Variants in TAS2R1 observed in about 807,000 individuals in gnomAD.
The protein encoded by TAS2R1 is taste receptor type 2 member 1.
For missense variants in TAS2R1, 370 were observed against 353.4 expected (o/e 1.05, Z -0.38); for synonymous variants, 141 against 134.2 (o/e 1.05, Z -0.35).
At chr5:9,828,708 T>C in the TAS2R1 span, among the ~76,000 whole-genome samples, 2 of 152,378 alleles carry the variant, frequency 1.3e-5, no homozygotes, top group African/African-American at 2.4e-5. Context: ...CATGTAGAGA[T>C]AAGTGGGAGA....
At chr5:9,812,755 C>T in the TAS2R1 span, among the ~76,000 whole-genome samples, 2 of 152,252 alleles carry the variant, frequency 1.3e-5, no homozygotes, top group Admixed American at 6.5e-5. Context: ...CAAACTTGGT[C>T]ACTGCCGTAG....
intron 2 of TAS2R1, among the ~76,000 whole-genome samples, chr5:9,653,073 C>A (rs1740338346): frequency 6.6e-6 from 1 of 152,186 alleles, no homozygotes; most frequent in Non-Finnish European, 1.5e-5. Context: ...CTAGCATCCA[C>A]CTTTCTGCTT....
At chr5:9,681,896 A>G (rs1400145266) in intron 1 of TAS2R1, among the ~76,000 whole-genome samples, 1 of 152,204 alleles carries the variant, frequency 6.6e-6, no homozygotes, top group African/African-American at 2.4e-5. Context: ...TTATAGCCAT[A>G]TTACAGTTTA....
At chr5:9,724,626 A>T in the TAS2R1 span, among the ~76,000 whole-genome samples, 12 of 152,168 alleles carry the variant, frequency 7.9e-5, no homozygotes, top group African/African-American at 1.9e-4. Flanking sequence ...TGTGCAGATT[A>T]CGGTAATAAC....
the TAS2R1 span, among the ~76,000 whole-genome samples, chr5:9,811,481 G>A: frequency 1.3e-5 from 2 of 152,130 alleles, no homozygotes; most frequent in Non-Finnish European, 2.9e-5. Flanking sequence ...AAATATGTAA[G>A]CTCAAAGGCT....
At chr5:9,827,938 T>C in the TAS2R1 span, among the ~76,000 whole-genome samples, 1 of 152,206 alleles carries the variant, frequency 6.6e-6, no homozygotes, top group African/African-American at 2.4e-5. Flanking sequence ...ATGGAGTTTT[T>C]CAGCAATACC....
chr5:9,873,407 C>T, the TAS2R1 span, among the ~76,000 whole-genome samples: 2 of 112,356 alleles, frequency 1.8e-5, no homozygotes, highest in African/African-American at 8.0e-5. Context: ...GAAGACCAGG[C>T]CTTTTTTTTT....
chr5:9,824,317 T>C, the TAS2R1 span, among the ~76,000 whole-genome samples: 2 of 152,120 alleles, frequency 1.3e-5, no homozygotes, highest in Admixed American at 1.3e-4. Context: ...GTATTTAGGG[T>C]TGTTAGGTCT....
intron 1 of TAS2R1, among the ~76,000 whole-genome samples, chr5:9,673,554 TCAAA>T (rs1231542387): frequency 2.0e-5 from 3 of 151,666 alleles, no homozygotes; most frequent in Admixed American, 1.3e-4. Flanking sequence ...ATACTGAAAT[TCAAA>T]CAAAGTATAA....
At chr5:9,700,560 T>C (rs933249133) in intron 1 of TAS2R1, among the ~76,000 whole-genome samples, 1 of 152,192 alleles carries the variant, frequency 6.6e-6, no homozygotes, top group Non-Finnish European at 1.5e-5. Flanking sequence ...CTCAAATCTA[T>C]ATCGCATGAT....
the TAS2R1 span, among the ~76,000 whole-genome samples, chr5:9,808,948 A>G: frequency 4.6e-5 from 7 of 152,224 alleles, no homozygotes; most frequent in Non-Finnish European, 7.3e-5. Flanking sequence ...CACTGTGAGA[A>G]TGATGCTGCC....
At chr5:9,831,548 G>C in the TAS2R1 span, among the ~76,000 whole-genome samples, 4 of 151,680 alleles carry the variant, frequency 2.6e-5, no homozygotes, top group African/African-American at 9.7e-5. Flanking sequence ...TGAGTATGGG[G>C]GATGCAATTA....
At chr5:9,642,372 A>G (rs1188546672) in intron 2 of TAS2R1, among the ~76,000 whole-genome samples, 1 of 152,206 alleles carries the variant, frequency 6.6e-6, no homozygotes, top group Non-Finnish European at 1.5e-5. Flanking sequence ...GATCATTCAA[A>G]TAAGGAAGAA....
At chr5:9,646,553 T>A (rs1291891061) in intron 2 of TAS2R1, among the ~76,000 whole-genome samples, 1 of 152,000 alleles carries the variant, frequency 6.6e-6, no homozygotes, top group East Asian at 1.9e-4. Context: ...GTCGTAGGAG[T>A]CAAATTTATT....
At chr5:9,797,887 C>A in the TAS2R1 span, among the ~76,000 whole-genome samples, 2 of 152,164 alleles carry the variant, frequency 1.3e-5, no homozygotes, top group Non-Finnish European at 2.9e-5. Flanking sequence ...CAGCACCCTA[C>A]ATAAGTCATG....
At chr5:9,641,241 G>A (rs1345845637) in intron 2 of TAS2R1, 1 of 152,186 alleles carries the variant, frequency 6.6e-6, no homozygotes, top group Non-Finnish European at 1.5e-5. Context: ...AGGATCCTGA[G>A]GGGCCATTTG....
chr5:9,692,328 C>T (rs1432976180), intron 1 of TAS2R1, among the ~76,000 whole-genome samples: 1 of 152,210 alleles, frequency 6.6e-6, no homozygotes, highest in Non-Finnish European at 1.5e-5. Context: ...AGGCCACACA[C>T]TTTCAGAGCC....
chr5:9,783,428 C>T, the TAS2R1 span, among the ~76,000 whole-genome samples: 1 of 152,296 alleles, frequency 6.6e-6, no homozygotes, highest in African/African-American at 2.4e-5. Flanking sequence ...GAGACTCCTC[C>T]CTGCAGAACC....
chr5:9,887,306 T>TG, the TAS2R1 span, among the ~76,000 whole-genome samples: 1 of 152,246 alleles, frequency 6.6e-6, no homozygotes, highest in African/African-American at 2.4e-5. Context: ...ACAACCATAT[T>TG]AGTGCAAAGT....
Sources: allele counts gnomAD v4.1 joint callset (sites outside exome capture counted in the v4.1 genomes callset), GRCh38; gene constraint gnomAD v4.1.1; transcripts MANE v1.5; gene names NCBI Gene and HGNC (gene_info 2026-07-23, HGNC 2026-07-21).